The following CDK14 variants were observed in gnomAD, a reference collection of about 807,000 sequenced individuals.
CDK14 encodes cyclin dependent kinase 14, also known as cyclin-dependent kinase 14.
Under a neutral mutation model 60.7 loss-of-function variants are expected in CDK14, and 34 were observed. The observed-to-expected ratio is 0.56, with a 90% CI of 0.43 to 0.75. The LOEUF (loss-of-function observed/expected upper bound fraction) is 0.75, where lower values mean the gene tolerates loss of function less well. Among genes scored for constraint, CDK14 ranks in the 30% least tolerant of loss-of-function variants. CDK14 has a pLI of 0.00. For missense variants in CDK14, 482 were observed against 564.1 expected, an observed-to-expected ratio of 0.85 and a Z score of 1.47; for synonymous variants, 197 against 203.7, an observed-to-expected ratio of 0.97 and a Z score of 0.28.
chr7:90,948,945 C>G (rs934625526), intron 8 of CDK14, among the ~76,000 whole-genome samples: 2 of 152,102 alleles, frequency 1.3e-5, no homozygotes, highest in African/African-American at 2.4e-5. Flanking sequence ...TAGTATTTAG[C>G]CAAAGAATTC....
rs547250245 is a variant in CDK14, at chr7:91,007,052, G to A, written c.1041+22811G>A. Among the ~76,000 whole-genome samples the A allele has an allele frequency of 3.2e-4, 49 of 152,242 alleles. 2 individuals carry two copies. Among genetic ancestry groups the A allele is most frequent in the Middle Eastern group, 3.4e-3 (1 of 294 alleles). On this transcript the variant is annotated intron_variant, in intron 10 of 14. Transcript: ENST00000380050. Reference sequence around the variant, plus strand: ...ACTCATATGTTATCTTGGTAGAAACGATTCCTAGAGGAGGATTGCTGGGTG... The same window carrying A: ...ACTCATATGTTATCTTGGTAGAAACAATTCCTAGAGGAGGATTGCTGGGTG...
intron 11 of CDK14, among the ~76,000 whole-genome samples, chr7:91,061,289 T>C (rs1340380154): frequency 3.9e-5 from 6 of 152,210 alleles, no homozygotes; most frequent in Admixed American, 2.0e-4. Flanking sequence ...GTTATTCTAG[T>C]TAGCCATTCA....
At chr7:90,878,334 A>G (rs888806556) in intron 6 of CDK14, among the ~76,000 whole-genome samples, 5 of 152,100 alleles carry the variant, frequency 3.3e-5, no homozygotes, top group South Asian at 2.1e-4. Context: ...CAGGCTTCCT[A>G]TATCTGGTGA....
chr7:90,845,773 T>C (rs542625816), intron 5 of CDK14, among the ~76,000 whole-genome samples: 1 of 152,252 alleles, frequency 6.6e-6, no homozygotes, highest in East Asian at 1.9e-4. Flanking sequence ...TGAGGTTTTC[T>C]GAAAAAATAA....
chr7:91,060,440 A>G (rs924565827), intron 11 of CDK14, among the ~76,000 whole-genome samples: 1 of 152,112 alleles, frequency 6.6e-6, no homozygotes, highest in Non-Finnish European at 1.5e-5. Context: ...TGATCCTGTC[A>G]TTATGATGTT....
chr7:90,868,860 G>T (rs1187227006), intron 6 of CDK14, among the ~76,000 whole-genome samples: 1 of 152,108 alleles, frequency 6.6e-6, no homozygotes, highest in East Asian at 1.9e-4. Flanking sequence ...GTAAAGATAT[G>T]ACTTTAGCTC....
chr7:90,717,917 C>T (rs1013908015), intron 2 of CDK14, among the ~76,000 whole-genome samples: 1 of 151,942 alleles, frequency 6.6e-6, no homozygotes, highest in Non-Finnish European at 1.5e-5. Flanking sequence ...AAACAGTGCT[C>T]AGCAAAGACG....
At chr7:90,601,753 C>CT (rs200478569) in intron 1 of CDK14, among the ~76,000 whole-genome samples, 7 of 150,704 alleles carry the variant, frequency 4.6e-5, no homozygotes, top group Admixed American at 1.3e-4. Flanking sequence ...GGGATAGTAT[C>CT]TTTTTTTTTG....
intron 11 of CDK14, among the ~76,000 whole-genome samples, chr7:91,077,064 C>T (rs1798338985): frequency 6.6e-6 from 1 of 152,142 alleles, no homozygotes. Context: ...TGAATTAGTT[C>T]AATCATGGTG....
intron 2 of CDK14, among the ~76,000 whole-genome samples, chr7:90,703,739 G>A (rs574972732): frequency 6.6e-6 from 1 of 152,250 alleles, no homozygotes; most frequent in Non-Finnish European, 1.5e-5. Context: ...ATAATTGAGG[G>A]CATACAACCA....
chr7:90,820,577 G>T lies in CDK14; in HGVS notation c.544+29925G>T, dbSNP rs552324851. On this transcript the variant is annotated intron_variant, in intron 5 of 14. Coordinates refer to ENST00000380050, the MANE Select transcript of CDK14 (RefSeq NM_001287135.2). ...CCGCCATGACTGTAAGTTTCCTGAG[G>T]CCTCCCCAGCCATGTGGAACTGTGA... Among the ~76,000 whole-genome samples, 5 of 152,158 alleles carry T rather than the reference G, an allele frequency of 3.3e-5. No homozygotes were observed. The South Asian group carries it at 1.0e-3, about 32-fold the overall frequency.
chr7:91,041,722 T>C (rs1179290517), intron 10 of CDK14, among the ~76,000 whole-genome samples: 3 of 152,232 alleles, frequency 2.0e-5, no homozygotes, highest in African/African-American at 7.2e-5. Flanking sequence ...CAACCAGTCA[T>C]GTGACTTGCA....
chr7:90,705,973 G>T, intron 2 of CDK14, among the ~76,000 whole-genome samples: 1 of 151,808 alleles, frequency 6.6e-6, no homozygotes, highest in Non-Finnish European at 1.5e-5. Flanking sequence ...CTACTTTTTA[G>T]AATTTAAAAA....
rs1007830102 is a variant in CDK14, at chr7:91,142,759, A to T, written c.*28+24551A>T. 2.6e-5 allele frequency among the ~76,000 whole-genome samples: 4 copies of T among 152,374 alleles called. No homozygotes were observed. The East Asian group carries it at 7.7e-4, about 29-fold the overall frequency. ...TGTACACAAAGTGAAATATGTGCAT[A>T]TAGTTTCAGGGGAACCAGGAACAAA... On this transcript the variant is annotated intron_variant, in intron 14 of 14. Transcript: ENST00000380050.
At chr7:90,705,755 C>T (rs1801884114) in intron 2 of CDK14, among the ~76,000 whole-genome samples, 1 of 150,914 alleles carries the variant, frequency 6.6e-6, no homozygotes, top group Non-Finnish European at 1.5e-5. Context: ...CATAATAAGT[C>T]GATTTTGATG....
intron 14 of CDK14, among the ~76,000 whole-genome samples, chr7:91,135,817 T>G (rs1185739569): frequency 1.3e-5 from 2 of 152,170 alleles, no homozygotes; most frequent in African/African-American, 4.8e-5. Flanking sequence ...AAGTGACTTG[T>G]GTTGCAAACT....
chr7:90,904,419 A>G (rs1176641382), intron 7 of CDK14, among the ~76,000 whole-genome samples: 1 of 152,178 alleles, frequency 6.6e-6, no homozygotes, highest in Non-Finnish European at 1.5e-5. Flanking sequence ...TAATTCATCC[A>G]TAAAACAAAA....
At chr7:91,111,401 G>A (rs558939991) in intron 12 of CDK14, among the ~76,000 whole-genome samples, 112 of 152,288 alleles carry the variant, frequency 7.4e-4, no homozygotes, top group Admixed American at 4.2e-3. Flanking sequence ...ACTGGAAGGT[G>A]CAGCTCTCCC....
chr7:90,931,830 C>T (rs1468975408), intron 8 of CDK14, among the ~76,000 whole-genome samples: 1 of 151,740 alleles, frequency 6.6e-6, no homozygotes, highest in Non-Finnish European at 1.5e-5. Context: ...TGTTTTGGGT[C>T]TTAGAGGTCC....
Sources: allele counts gnomAD v4.1 joint callset (sites outside exome capture counted in the v4.1 genomes callset), GRCh38; gene constraint gnomAD v4.1.1; transcripts MANE v1.5; gene names NCBI Gene and HGNC (gene_info 2026-07-23, HGNC 2026-07-21).